Variants in DNAJC17 observed in about 807,000 individuals in gnomAD.
DNAJC17 encodes dnaJ homolog subfamily C member 17.
In DNAJC17, 35 loss-of-function variants were observed where a neutral mutation model predicts 48.1. The observed-to-expected ratio is 0.73, with a 90% confidence interval of 0.56 to 0.96. The LOEUF (loss-of-function observed/expected upper bound fraction) is 0.96. DNAJC17 is among the 50% of genes least tolerant of loss of function. The probability of loss-of-function intolerance (pLI) is 0.00; values close to 1 mark genes in which losing one functional copy is unlikely to be tolerated. For missense variants in DNAJC17, 355 were observed against 377.1 expected (o/e 0.94, Z 0.48); for synonymous variants, 117 against 142.7 (o/e 0.82, Z 1.28).
intron 1 of DNAJC17, among the ~76,000 whole-genome samples, chr15:40,793,177 G>GC (rs11412325): frequency 0.81 from 122,407 of 152,024 alleles, 49,872 homozygotes; most frequent in Middle Eastern, 0.88. Context: ...ACAGGCGTGA[G>GC]CACCGTGCCC....
chr15:40,774,205 G>T, intron 9 of DNAJC17, 151 bp downstream of exon 9: 2 of 854,196 alleles, frequency 2.3e-6, no homozygotes, highest in Non-Finnish European at 3.7e-6. Context: ...ATTTCCAGGA[G>T]TCAGGGGCCC....
chr15:40,783,933 G>C (rs896441368), intron 1 of DNAJC17, among the ~76,000 whole-genome samples: 1 of 152,042 alleles, frequency 6.6e-6, no homozygotes, highest in African/African-American at 2.4e-5. Flanking sequence ...TGAGTGTGAA[G>C]AAGAAGGAGC....
intron 3 of DNAJC17, 50 bp downstream of exon 3, chr15:40,779,495 A>T (rs1445539557): frequency 6.2e-7 from 1 of 1,608,060 alleles, no homozygotes; most frequent in Non-Finnish European, 8.5e-7. Context: ...GAGAGGCAGC[A>T]GTGGTCTCTA....
rs1017679584 is a variant in DNAJC17, at chr15:40,774,576, T to G, written c.601-140A>C. On this transcript the variant is annotated intron_variant, in intron 8 of 10. Transcript: ENST00000220496. The stretch of plus-strand genomic sequence containing the variant: ...TAACTTCTTGCCCCACCTACTTATC[T>G]TAGTGAAGTGAGATCAGAGATAGGA... 3.3e-5 allele frequency: 29 copies of G among 876,766 alleles called. No individual in the cohort carries two copies. In the African/African-American group the frequency reaches 3.7e-4, roughly 11 times the overall value. 54.3% of individuals were successfully genotyped at this position (876,766 alleles called of 1,614,324 possible). A position where few individuals can be genotyped will look rare whatever the true frequency, so the allele number is the denominator to read the frequency against.
At chr15:40,789,922 A>G (rs796240643) in intron 1 of DNAJC17, among the ~76,000 whole-genome samples, 3 of 149,876 alleles carry the variant, frequency 2.0e-5, no homozygotes, top group African/African-American at 7.3e-5. Flanking sequence ...AAAAAAAAAA[A>G]AAAAAAAAAG....
intron 1 of DNAJC17, among the ~76,000 whole-genome samples, chr15:40,790,510 C>T (rs1889771398): frequency 1.3e-5 from 2 of 152,054 alleles, no homozygotes; most frequent in African/African-American, 2.4e-5. Flanking sequence ...ACCCAGGAGG[C>T]GGAGGTTGCA....
chr15:40,790,194 T>C (rs575962369), intron 1 of DNAJC17, among the ~76,000 whole-genome samples: 50 of 152,268 alleles, frequency 3.3e-4, no homozygotes, highest in Middle Eastern at 6.8e-3. Flanking sequence ...GCTGCGAGAC[T>C]CTCTGGGGCC....
intron 1 of DNAJC17, among the ~76,000 whole-genome samples, chr15:40,780,843 T>C (rs1004103992): frequency 2.1e-5 from 3 of 146,258 alleles, no homozygotes. Flanking sequence ...AAATAAAAAA[T>C]AAAATAAAAG....
chr15:40,777,990 T>G (rs945591557), intron 4 of DNAJC17, among the ~76,000 whole-genome samples: 1 of 151,994 alleles, frequency 6.6e-6, no homozygotes, highest in Non-Finnish European at 1.5e-5. Context: ...CTGAGGGAGC[T>G]TCTCAAAGTG....
At chr15:40,774,549 G>A in intron 8 of DNAJC17, 113 bp from the exon 9 acceptor site, 1 of 1,164,666 alleles carries the variant, frequency 8.6e-7, no homozygotes, top group South Asian at 1.3e-5. Flanking sequence ...TCAGTTGGGA[G>A]ATAACTTCTT....
chr15:40,782,509 T>C (rs1013508911), intron 1 of DNAJC17, among the ~76,000 whole-genome samples: 63 of 152,136 alleles, frequency 4.1e-4, no homozygotes, highest in Non-Finnish European at 7.6e-4. Context: ...TGCTACCTAA[T>C]AGCTGTTGTA....
Position 40,774,349 on chromosome 15 carries a change from C to G in DNAJC17, c.681+7G>C. Reference sequence around the variant, plus strand: ...CGAGGGGCCCCCAAGCCTCATGCAGCACTCACCGCTGCCTTGACGGTTGCA... The same window carrying G: ...CGAGGGGCCCCCAAGCCTCATGCAGGACTCACCGCTGCCTTGACGGTTGCA... On this transcript the variant is annotated splice_region_variant and intron_variant, in intron 9 of 10. Transcript: ENST00000220496. 1 of 1,613,828 alleles carries G rather than the reference C, an allele frequency of 6.2e-7. No homozygotes were observed. Among genetic ancestry groups the G allele is most frequent in the Non-Finnish European group, 8.5e-7 (1 of 1,179,992 alleles).
intron 1 of DNAJC17, among the ~76,000 whole-genome samples, chr15:40,784,569 C>CA (rs1889592120): frequency 6.6e-6 from 1 of 152,034 alleles, no homozygotes; most frequent in South Asian, 2.1e-4. Context: ...TTATGATACC[C>CA]AAAATCCATT....
At chr15:40,776,745 CTCTGCCCCCT>C in intron 4 of DNAJC17, 118 bp from the exon 5 acceptor site, 2 of 932,156 alleles carry the variant, frequency 2.1e-6, no homozygotes, top group Non-Finnish European at 3.4e-6. Context: ...CATACAGTAA[CTCTGCCCCCT>C]CCCTCCATGC....
At chr15:40,789,533 C>A (rs1164064067) in intron 1 of DNAJC17, among the ~76,000 whole-genome samples, 4 of 152,008 alleles carry the variant, frequency 2.6e-5, no homozygotes, top group Admixed American at 6.6e-5. Context: ...AAAAGCCTTT[C>A]CTACCTTCTC....
chr15:40,768,852 A>G (rs1187900577), intron 10 of DNAJC17, among the ~76,000 whole-genome samples: 1 of 152,208 alleles, frequency 6.6e-6, no homozygotes, highest in Non-Finnish European at 1.5e-5. Flanking sequence ...ACAGCTTCTC[A>G]GAGAAGTGTG....
intron 4 of DNAJC17, among the ~76,000 whole-genome samples, chr15:40,778,293 A>T (rs1266607420): frequency 6.6e-6 from 1 of 151,846 alleles, no homozygotes; most frequent in Non-Finnish European, 1.5e-5. Flanking sequence ...TTGCTCTGTC[A>T]CCCAGGCTAG....
At chr15:40,802,970 G>A (rs1890111841) in intron 1 of DNAJC17, among the ~76,000 whole-genome samples, 1 of 152,084 alleles carries the variant, frequency 6.6e-6, no homozygotes, top group Admixed American at 6.5e-5. Context: ...AGGCATGGCG[G>A]TGCACACCTG....
At chr15:40,805,814 G>A (rs1890198116) in intron 1 of DNAJC17, among the ~76,000 whole-genome samples, 1 of 152,108 alleles carries the variant, frequency 6.6e-6, no homozygotes, top group African/African-American at 2.4e-5. Context: ...CTGGGCCACA[G>A]AGCGAGACTC....
Sources: gnomAD v4.1 joint callset for allele counts (sites outside exome capture counted in the v4.1 genomes callset) on GRCh38, gnomAD v4.1.1 for gene constraint, MANE v1.5 for transcripts, NCBI Gene and HGNC (gene_info 2026-07-23, HGNC 2026-07-21) for gene names.